The following SGCZ variants were observed in gnomAD, a reference collection of about 807,000 sequenced individuals.
SGCZ encodes the protein sarcoglycan zeta.
Under a neutral mutation model 41.3 loss-of-function variants are expected in SGCZ, and 40 were observed. The observed-to-expected ratio is 0.97, with a 90% confidence interval of 0.75 to 1.26. The LOEUF (loss-of-function observed/expected upper bound fraction) is 1.26, where lower values mean the gene tolerates loss of function less well. SGCZ is among the 50% of genes most tolerant of loss of function. The probability of loss-of-function intolerance (pLI) is 0.00; values close to 1 mark genes in which losing one functional copy is unlikely to be tolerated. For missense variants in SGCZ, 552 were observed against 369.8 expected, an observed-to-expected ratio of 1.49 and a Z score of -4.04; for synonymous variants, 206 against 137.5, an observed-to-expected ratio of 1.50 and a Z score of -3.49.
intron 1 of SGCZ, among the ~76,000 whole-genome samples, chr8:14,620,127 T>C (rs1161923764): frequency 6.6e-6 from 1 of 151,896 alleles, no homozygotes; most frequent in African/African-American, 2.4e-5. Context: ...GCCCTCCAAA[T>C]AATACCACAC....
At chr8:14,205,414 G>A (rs1321359547) in intron 4 of SGCZ, among the ~76,000 whole-genome samples, 1 of 152,168 alleles carries the variant, frequency 6.6e-6, no homozygotes. Flanking sequence ...ATGTTATTCT[G>A]CTTTTTAATG....
chr8:14,247,059 CTT>C (rs1799122871), intron 3 of SGCZ, among the ~76,000 whole-genome samples: 1 of 151,858 alleles, frequency 6.6e-6, no homozygotes, highest in Non-Finnish European at 1.5e-5. Flanking sequence ...ACCTGACTTC[CTT>C]GAATTCTGCA....
At chr8:14,877,216 C>T (rs892899356) in intron 1 of SGCZ, among the ~76,000 whole-genome samples, 2 of 152,096 alleles carry the variant, frequency 1.3e-5, no homozygotes, top group African/African-American at 2.4e-5. Flanking sequence ...TCATGATCCG[C>T]CAGCCTTAGC....
At chr8:14,203,791 G>A (rs183792170) in intron 4 of SGCZ, among the ~76,000 whole-genome samples, 88 of 152,232 alleles carry the variant, frequency 5.8e-4, no homozygotes, top group African/African-American at 2.0e-3. Context: ...GAATTAGAGG[G>A]CACTATTGAA....
chr8:15,015,084 A>T (rs1438154813), intron 1 of SGCZ, among the ~76,000 whole-genome samples: 1 of 152,068 alleles, frequency 6.6e-6, no homozygotes, highest in East Asian at 1.9e-4. Context: ...TCTACTAAAA[A>T]ATGCAAAAAT....
chr8:14,815,787 T>A (rs1300116064), intron 1 of SGCZ, among the ~76,000 whole-genome samples: 1 of 152,212 alleles, frequency 6.6e-6, no homozygotes, highest in African/African-American at 2.4e-5. Context: ...TAATATGTGA[T>A]GTTATCTGTG....
At chr8:14,165,227 G>A (rs975453149) in intron 4 of SGCZ, 2 of 151,992 alleles carry the variant, frequency 1.3e-5, no homozygotes, top group Non-Finnish European at 2.9e-5. Context: ...TAATATAAGT[G>A]AATTTTAATC....
chr8:14,357,176 A>G (rs968262218), intron 2 of SGCZ, among the ~76,000 whole-genome samples: 2 of 152,216 alleles, frequency 1.3e-5, no homozygotes, highest in Non-Finnish European at 2.9e-5. Flanking sequence ...AACAATATAA[A>G]AACCACAGAT....
At chr8:15,114,458 C>T (rs1159697877) in intron 1 of SGCZ, among the ~76,000 whole-genome samples, 2 of 152,154 alleles carry the variant, frequency 1.3e-5, no homozygotes, top group African/African-American at 4.8e-5. Context: ...TCTCTCTTTA[C>T]AAATGTATTT....
rs567002612 is a variant in SGCZ, at chr8:14,984,019, G to C, written c.39+253566C>G. On this transcript the variant is annotated intron_variant, in intron 1 of 7. Coordinates refer to ENST00000382080, the MANE Select transcript of SGCZ (RefSeq NM_139167.4). ...ACATTTATAAAGATGTACTAAAGTG[G>C]AGTGAAATTGGAATATTTAGCTGAA... is the stretch of plus-strand genomic sequence containing the variant. Among the ~76,000 whole-genome samples, 18 of 152,244 alleles carry C rather than the reference G, an allele frequency of 1.2e-4. No individual in the cohort carries two copies. The South Asian group carries it at 2.9e-3, about 25-fold the overall frequency.
chr8:14,512,172 T>A (rs1563377366), intron 2 of SGCZ, among the ~76,000 whole-genome samples: 2 of 152,098 alleles, frequency 1.3e-5, no homozygotes, highest in Admixed American at 6.6e-5. Context: ...CCACAGATAA[T>A]CTGAGTAAGT....
intron 1 of SGCZ, among the ~76,000 whole-genome samples, chr8:15,181,683 A>C (rs1800185233): frequency 6.6e-6 from 1 of 152,206 alleles, no homozygotes; most frequent in South Asian, 2.1e-4. Context: ...AAAGCAGATA[A>C]CTTTTCGAAA....
At chr8:14,401,969 T>C (rs1328521237) in intron 2 of SGCZ, among the ~76,000 whole-genome samples, 1 of 151,756 alleles carries the variant, frequency 6.6e-6, no homozygotes, top group Non-Finnish European at 1.5e-5. Context: ...GACTTTTTAA[T>C]GATTGCCATT....
chr8:14,091,126 G>C (rs1338857692), intron 7 of SGCZ, among the ~76,000 whole-genome samples: 2 of 151,590 alleles, frequency 1.3e-5, no homozygotes, highest in Non-Finnish European at 2.9e-5. Flanking sequence ...TGAGAATCAT[G>C]GTTTCCAGCT....
At chr8:14,298,890 T>C (rs1454567170) in intron 3 of SGCZ, among the ~76,000 whole-genome samples, 4 of 151,960 alleles carry the variant, frequency 2.6e-5, no homozygotes, top group African/African-American at 9.7e-5. Flanking sequence ...TCAAACAGTC[T>C]TGAAAAAATA....
At chr8:14,370,621 T>A in intron 2 of SGCZ, among the ~76,000 whole-genome samples, 1 of 152,040 alleles carries the variant, frequency 6.6e-6, no homozygotes, top group African/African-American at 2.4e-5. Context: ...TATATTTATA[T>A]TGAAAGAATT....
At chr8:15,074,021 C>A (rs554085080) in intron 1 of SGCZ, among the ~76,000 whole-genome samples, 1 of 152,214 alleles carries the variant, frequency 6.6e-6, no homozygotes, top group East Asian at 1.9e-4. Flanking sequence ...AACTAACTCA[C>A]AAGAAAATAG....
intron 1 of SGCZ, among the ~76,000 whole-genome samples, chr8:14,621,306 A>C: frequency 1.0e-5 from 1 of 95,332 alleles, no homozygotes; most frequent in Non-Finnish European, 2.0e-5. Flanking sequence ...GGGAGGGGGG[A>C]GGGATAGCAT....
chr8:15,224,268 G>A (rs907071466), intron 1 of SGCZ, among the ~76,000 whole-genome samples: 2 of 152,174 alleles, frequency 1.3e-5, no homozygotes, highest in East Asian at 1.9e-4. Context: ...TACCAACCTG[G>A]ATAATTTTTT....
Sources: gnomAD v4.1 joint callset for allele counts (sites outside exome capture counted in the v4.1 genomes callset) on GRCh38, gnomAD v4.1.1 for gene constraint, MANE v1.5 for transcripts, NCBI Gene and HGNC (gene_info 2026-07-23, HGNC 2026-07-21) for gene names.